The following CNTNAP2 variants were observed in gnomAD, a reference collection of about 807,000 sequenced individuals.
CNTNAP2 encodes the protein contactin-associated protein-like 2.
Under a neutral mutation model 155.2 loss-of-function variants are expected in CNTNAP2, and 98 were observed. The observed-to-expected ratio is 0.63, with a 90% CI of 0.54 to 0.75. The LOEUF (loss-of-function observed/expected upper bound fraction) is 0.75, where lower values mean the gene tolerates loss of function less well. CNTNAP2 is among the 30% of genes least tolerant of loss of function. The pLI is 0.00. For missense variants in CNTNAP2, 1,727 were observed against 1,688.1 expected (o/e 1.02, Z -0.40); for synonymous variants, 651 against 631.2 (o/e 1.03, Z -0.47).
At chr7:147,364,567 G>C (rs983637899) in intron 9 of CNTNAP2, among the ~76,000 whole-genome samples, 1 of 152,174 alleles carries the variant, frequency 6.6e-6, no homozygotes, top group Non-Finnish European at 1.5e-5. Flanking sequence ...GGAAGACAAG[G>C]CTTATGAGAA....
intron 12 of CNTNAP2, among the ~76,000 whole-genome samples, chr7:147,634,930 G>C (rs28610070): frequency 0.02 from 3,052 of 152,058 alleles, 110 homozygotes; most frequent in African/African-American, 0.07. Context: ...GTCACTCAGT[G>C]GACTCTTTGT....
intron 8 of CNTNAP2, among the ~76,000 whole-genome samples, chr7:147,199,264 A>T (rs1311058256): frequency 1.3e-5 from 2 of 152,098 alleles, no homozygotes; most frequent in Non-Finnish European, 2.9e-5. Flanking sequence ...GCCCGGCCCT[A>T]ATCAAGATCT....
At chr7:146,773,038 G>T (rs752340241) in intron 1 of CNTNAP2, among the ~76,000 whole-genome samples, 1 of 152,036 alleles carries the variant, frequency 6.6e-6, no homozygotes, top group African/African-American at 2.4e-5. Context: ...AGTAGGATTT[G>T]GAACATCCCA....
intron 1 of CNTNAP2, among the ~76,000 whole-genome samples, chr7:146,742,505 A>C (rs1801736771): frequency 6.6e-6 from 1 of 152,240 alleles, no homozygotes; most frequent in African/African-American, 2.4e-5. Flanking sequence ...TGTAAAGTTT[A>C]TGTATGAGGT....
intron 2 of CNTNAP2, among the ~76,000 whole-genome samples, chr7:146,777,732 T>C (rs2129186513): frequency 6.6e-6 from 1 of 152,106 alleles, no homozygotes; most frequent in East Asian, 1.9e-4. Flanking sequence ...GCCTGGCTGA[T>C]TTTTGCATTT....
At chr7:148,055,040 G>A (rs781593429) in intron 15 of CNTNAP2, among the ~76,000 whole-genome samples, 6 of 151,802 alleles carry the variant, frequency 4.0e-5, no homozygotes, top group South Asian at 2.1e-4. Context: ...ACACCACCAC[G>A]CCTGGCTAAT....
intron 1 of CNTNAP2, among the ~76,000 whole-genome samples, chr7:146,188,433 C>T (rs1429037364): frequency 1.3e-5 from 2 of 152,140 alleles, no homozygotes; most frequent in Non-Finnish European, 1.5e-5. Context: ...GTTGCACGCC[C>T]TAAGCATTTA....
chr7:146,616,974 T>C (rs971325396), intron 1 of CNTNAP2, among the ~76,000 whole-genome samples: 3 of 152,162 alleles, frequency 2.0e-5, no homozygotes, highest in Non-Finnish European at 2.9e-5. Flanking sequence ...AATTACGTGA[T>C]TGGATGTAAT....
At chr7:147,522,861 A>G (rs995500413) in intron 11 of CNTNAP2, among the ~76,000 whole-genome samples, 1 of 152,072 alleles carries the variant, frequency 6.6e-6, no homozygotes, top group Non-Finnish European at 1.5e-5. Context: ...CCTTATTCAT[A>G]TGCCTGGGAA....
intron 13 of CNTNAP2, among the ~76,000 whole-genome samples, chr7:147,657,398 C>T (rs898527917): frequency 2.0e-5 from 3 of 151,826 alleles, no homozygotes; most frequent in South Asian, 2.1e-4. Flanking sequence ...GGGTTGGCTT[C>T]GGTGAAATAT....
chr7:146,710,278 T>A (rs776210393), intron 1 of CNTNAP2, among the ~76,000 whole-genome samples: 25 of 152,150 alleles, frequency 1.6e-4, no homozygotes, highest in Non-Finnish European at 2.9e-4. Context: ...GGATCAGAAT[T>A]TTGTCTCAAG....
At chr7:147,318,176 T>A (rs1471619236) in intron 9 of CNTNAP2, among the ~76,000 whole-genome samples, 2 of 152,176 alleles carry the variant, frequency 1.3e-5, no homozygotes, top group Non-Finnish European at 2.9e-5. Flanking sequence ...GCGTTGTGGC[T>A]CACACCTATA....
At chr7:147,385,867 T>C (rs2116939743) in intron 9 of CNTNAP2, among the ~76,000 whole-genome samples, 1 of 152,320 alleles carries the variant, frequency 6.6e-6, no homozygotes, top group East Asian at 1.9e-4. Flanking sequence ...ATTTCCCTTC[T>C]GCACTGCCCT....
At chr7:147,434,153 G>C (rs1797510560) in intron 10 of CNTNAP2, among the ~76,000 whole-genome samples, 1 of 152,164 alleles carries the variant, frequency 6.6e-6, no homozygotes. Flanking sequence ...TGGGTTTCCT[G>C]TTCAAGGTTA....
intron 21 of CNTNAP2, among the ~76,000 whole-genome samples, chr7:148,309,539 G>A (rs1438853453): frequency 6.6e-6 from 1 of 152,142 alleles, no homozygotes; most frequent in East Asian, 1.9e-4. Flanking sequence ...ATGGGGTGGG[G>A]CCATTTTATA....
rs1043096248 is a variant in CNTNAP2, at chr7:147,487,572, A to G, written c.1777+1531A>G. Reference sequence around the variant, plus strand: ...TCCTGAAATACGATAATGCTAACCAATGGTCAAGAGCAAGAAATCGGTGGT... The same window carrying G: ...TCCTGAAATACGATAATGCTAACCAGTGGTCAAGAGCAAGAAATCGGTGGT... On this transcript the variant is annotated intron_variant, in intron 11 of 23. Coordinates refer to ENST00000361727, the MANE Select transcript of CNTNAP2 (RefSeq NM_014141.6). 2.0e-5 allele frequency among the ~76,000 whole-genome samples: 3 copies of G among 152,300 alleles called. No homozygotes were observed. The South Asian group carries it at 6.2e-4, about 32-fold the overall frequency.
At chr7:146,993,984 C>A (rs368759666) in intron 3 of CNTNAP2, among the ~76,000 whole-genome samples, 17 of 152,204 alleles carry the variant, frequency 1.1e-4, no homozygotes, top group East Asian at 7.8e-4. Context: ...TACTGTGAAC[C>A]TAATAAATAT....
At chr7:146,866,508 C>T (rs1795208932) in intron 3 of CNTNAP2, among the ~76,000 whole-genome samples, 1 of 151,890 alleles carries the variant, frequency 6.6e-6, no homozygotes, top group African/African-American at 2.4e-5. Flanking sequence ...ATTAACATTC[C>T]CACTGTTTTC....
chr7:148,209,603 A>G (rs1222168034), intron 18 of CNTNAP2, among the ~76,000 whole-genome samples: 3 of 152,114 alleles, frequency 2.0e-5, no homozygotes, highest in African/African-American at 7.2e-5. Context: ...TGTCCACTCT[A>G]CTACTCCAAA....
Sources: allele counts gnomAD v4.1 joint callset (sites outside exome capture counted in the v4.1 genomes callset), GRCh38; gene constraint gnomAD v4.1.1; transcripts MANE v1.5; gene names NCBI Gene and HGNC (gene_info 2026-07-23, HGNC 2026-07-21).